Variants in ARMC8 observed in about 807,000 individuals in gnomAD.
ARMC8 encodes armadillo repeat-containing protein 8.
Under a neutral mutation model 99.3 loss-of-function variants are expected in ARMC8, and 20 were observed. The observed-to-expected ratio is 0.20, with a 90% CI of 0.14 to 0.29. ARMC8 has a LOEUF of 0.29. ARMC8 is among the 10% of genes least tolerant of loss of function. ARMC8 has a pLI of 1.00. For missense variants in ARMC8, 569 were observed against 809.5 expected (o/e 0.70, Z 3.60); for synonymous variants, 263 against 278.3 (o/e 0.95, Z 0.55).
intron 2 of ARMC8, among the ~76,000 whole-genome samples, chr3:138,217,710 T>G (rs1179116112): frequency 3.9e-5 from 6 of 152,222 alleles, no homozygotes; most frequent in Admixed American, 6.5e-5. Flanking sequence ...TGTAACATCT[T>G]AATATTGACT....
chr3:138,209,748 T>G lies in ARMC8; in HGVS notation c.46-69T>G. ...GTTAAATTATCTAGTCACTTGATATTGTGGGTGATGCTGTGAATTTGTGAT... is the reference window on the plus strand; with the variant it reads ...GTTAAATTATCTAGTCACTTGATATGGTGGGTGATGCTGTGAATTTGTGAT... On this transcript the variant is annotated intron_variant, in intron 1 of 21. Coordinates refer to ENST00000469044, the MANE Select transcript of ARMC8 (RefSeq NM_001363941.2). The G allele has an allele frequency of 3.2e-6, 4 of 1,259,926 alleles. No individual in the cohort carries two copies. The South Asian group carries it at 4.9e-5, about 15-fold the overall frequency. 78.0% of individuals were successfully genotyped at this position (1,259,926 alleles called of 1,614,324 possible).
At chr3:138,278,236 G>A (rs1463096752) in intron 18 of ARMC8, among the ~76,000 whole-genome samples, 4 of 152,152 alleles carry the variant, frequency 2.6e-5, no homozygotes, top group South Asian at 2.1e-4. Flanking sequence ...GGCCAGGCAC[G>A]GTGGCTCACA....
chr3:138,236,883 G>A (rs1033533991), intron 7 of ARMC8, among the ~76,000 whole-genome samples: 14 of 152,056 alleles, frequency 9.2e-5, no homozygotes, highest in African/African-American at 2.9e-4. Context: ...AAAAGTTAGC[G>A]CTTCTTAAAT....
chr3:138,266,931 G>T (rs968146774), intron 14 of ARMC8, among the ~76,000 whole-genome samples: 9 of 152,256 alleles, frequency 5.9e-5, no homozygotes, highest in African/African-American at 1.4e-4. Context: ...CCCCAGTGAG[G>T]CTGCAGCTTC....
At chr3:138,293,914 C>G (rs2051225101) in intron 21 of ARMC8, among the ~76,000 whole-genome samples, 1 of 152,308 alleles carries the variant, frequency 6.6e-6, no homozygotes, top group South Asian at 2.1e-4. Context: ...GTTTTTAGCT[C>G]TTCTTAAACG....
chr3:138,248,111 G>T (rs1286388911), intron 12 of ARMC8, among the ~76,000 whole-genome samples: 1 of 152,150 alleles, frequency 6.6e-6, no homozygotes, highest in Non-Finnish European at 1.5e-5. Flanking sequence ...GAAGGAGGAT[G>T]GTGCTGGTGG....
At chr3:138,228,737 T>A (rs780287576) in intron 5 of ARMC8, 181 bp from the exon 6 acceptor site, 2 of 566,542 alleles carry the variant, frequency 3.5e-6, no homozygotes, top group South Asian at 3.1e-5. Flanking sequence ...CCTCTTTCTT[T>A]GTCATTGGCC....
Position 138,223,437 on chromosome 3 carries a change from T to C in ARMC8, c.243T>C (p.Thr81=), listed in dbSNP as rs761176368. 6.2e-7 allele frequency: 1 copy of C among 1,614,148 alleles called. No individual in the cohort carries two copies. Among genetic ancestry groups the C allele is most frequent in the South Asian group, 1.1e-5 (1 of 91,080 alleles). ...AAACCTCAAGCACAGAGCTGAAAAC[T>C]GAATGTGCAGTGGTGTTGGGAAGTC... The part of the protein sequence containing the change: ...QQETSSTELK[T]ECAVVLGSLA... Residue 81 remains threonine, a synonymous_variant, in exon 4 of 22, where the codon ACT becomes ACC. Coordinates refer to ENST00000469044, the MANE Select transcript of ARMC8 (RefSeq NM_001363941.2).
In ARMC8 at chr3:138,187,409, G is replaced by C. The variant is rs2043122472; in HGVS notation, c.-146G>C. The C allele has an allele frequency of 1.2e-5, 9 of 726,302 alleles. No homozygotes were observed. The highest frequency in any genetic ancestry group is 8.8e-5 in the South Asian group (5 of 56,684). The allele number at this position is 726,302 out of a possible 1,614,324, so 45.0% of individuals were successfully genotyped here. A position where few individuals can be genotyped will look rare whatever the true frequency, so the allele number is the denominator to read the frequency against. On this transcript the variant is annotated 5_prime_UTR_variant, in exon 1 of 22. Transcript: ENST00000469044. ...TGCCCTTCTTTCTGCGGGCCTTTCC[G>C]GTACTTGAGCGGTGTCCAGAGCGTG...
At chr3:138,291,596 A>G (rs1156487950) in intron 21 of ARMC8, among the ~76,000 whole-genome samples, 1 of 152,248 alleles carries the variant, frequency 6.6e-6, no homozygotes, top group African/African-American at 2.4e-5. Flanking sequence ...GTAACACAGT[A>G]TCAGGTGATG....
chr3:138,192,194 G>C (rs947076957), intron 1 of ARMC8, among the ~76,000 whole-genome samples: 3 of 151,080 alleles, frequency 2.0e-5, no homozygotes, highest in African/African-American at 7.3e-5. Flanking sequence ...TAGTAGATGT[G>C]TAGTAATATC....
In ARMC8 at chr3:138,239,597, T is replaced by C. The variant is rs2046505996; in HGVS notation, c.837+69T>C. On this transcript the variant is annotated intron_variant, in intron 10 of 21. Transcript: ENST00000469044. ...ATGTGTTAAATATCAGTATTGATAC[T>C]CATATTTCATTTTACACATTTATCA... 4.3e-6 allele frequency: 4 copies of C among 919,732 alleles called. No homozygotes were observed. The South Asian group carries it at 6.8e-5, about 16-fold the overall frequency. 57.0% of individuals were successfully genotyped at this position (919,732 alleles called of 1,614,324 possible). A position where few individuals can be genotyped will look rare whatever the true frequency, so the allele number is the denominator to read the frequency against.
At chr3:138,256,162 G>T (rs899832812) in intron 12 of ARMC8, among the ~76,000 whole-genome samples, 7 of 152,206 alleles carry the variant, frequency 4.6e-5, no homozygotes, top group African/African-American at 1.7e-4. Flanking sequence ...AAGGACAGTA[G>T]AATGTTAGTT....
At chr3:138,270,421 A>G (rs1322374992) in intron 16 of ARMC8, among the ~76,000 whole-genome samples, 1 of 152,222 alleles carries the variant, frequency 6.6e-6, no homozygotes, top group African/African-American at 2.4e-5. Context: ...TGAACATATT[A>G]TATTTTTGTG....
intron 1 of ARMC8, among the ~76,000 whole-genome samples, chr3:138,188,985 A>C (rs1192903311): frequency 6.6e-6 from 1 of 152,118 alleles, no homozygotes; most frequent in Non-Finnish European, 1.5e-5. Context: ...ATTCTGTGGG[A>C]GTGCAGGCCA....
At chr3:138,201,436 C>CCTTTTTTT (rs2044064743) in intron 1 of ARMC8, among the ~76,000 whole-genome samples, 1 of 64,932 alleles carries the variant, frequency 1.5e-5, no homozygotes, top group Non-Finnish European at 3.4e-5. Context: ...CTTCCCCTCC[C>CCTTTTTTT]TTTTTTTTTT....
intron 2 of ARMC8, among the ~76,000 whole-genome samples, chr3:138,213,716 G>A (rs965473716): frequency 2.0e-5 from 3 of 152,164 alleles, no homozygotes; most frequent in African/African-American, 7.2e-5. Context: ...GTTCAACCAA[G>A]TTAAATCTCA....
chr3:138,262,599 A>T, intron 12 of ARMC8: 1 of 909,358 alleles, frequency 1.1e-6, no homozygotes, highest in Non-Finnish European at 1.5e-6. Flanking sequence ...GAGGAGATTA[A>T]AAAAAAAAAA....
intron 1 of ARMC8, among the ~76,000 whole-genome samples, chr3:138,207,551 C>T (rs1448987362): frequency 6.6e-6 from 1 of 152,128 alleles, no homozygotes; most frequent in African/African-American, 2.4e-5. Context: ...CAAAATCAAT[C>T]TCTGGATAGG....
Sources: allele counts gnomAD v4.1 joint callset (sites outside exome capture counted in the v4.1 genomes callset), GRCh38; gene constraint gnomAD v4.1.1; transcripts MANE v1.5; gene names NCBI Gene and HGNC (gene_info 2026-07-23, HGNC 2026-07-21).